RIC1: variants seen among roughly 807,000 people sequenced by gnomAD.
RIC1 encodes the protein RIC1 partner of RAB6A GEF complex, also known as guanine nucleotide exchange factor subunit RIC1.
Under a neutral mutation model 169.0 loss-of-function variants are expected in RIC1, and 88 were observed. The observed-to-expected ratio is 0.52, with a 90% CI of 0.44 to 0.62. The LOEUF is 0.62. RIC1 is among the 20% of genes least tolerant of loss of function. The pLI is 0.00. For synonymous variants in RIC1, 790 were observed against 601.5 expected (o/e 1.31, Z -4.59); for missense variants, 1,877 against 1,725.5 (o/e 1.09, Z -1.56).
intron 23 of RIC1, among the ~76,000 whole-genome samples, chr9:5,771,047 C>G (rs1366753287): frequency 6.6e-6 from 1 of 152,102 alleles, no homozygotes; most frequent in Non-Finnish European, 1.5e-5. Context: ...GCTTACAGAT[C>G]TCATTAGTTT....
rs568010582 is a variant in RIC1, at chr9:5,701,524, G to A, written c.332+11486G>A. ...TGAAGCAAATTGCTTGAACTGGGAG[G>A]TGGACATTGCAGTTTGCCGAGATTG... On this transcript the variant is annotated intron_variant, in intron 3 of 25. Coordinates refer to ENST00000414202, the MANE Select transcript of RIC1 (RefSeq NM_020829.4). 2.0e-5 allele frequency among the ~76,000 whole-genome samples: 3 copies of A among 151,858 alleles called. 1 individual carries two copies. The South Asian group carries it at 6.2e-4, about 32-fold the overall frequency.
At chr9:5,736,705 T>C (rs1274549539) in intron 7 of RIC1, among the ~76,000 whole-genome samples, 1 of 152,152 alleles carries the variant, frequency 6.6e-6, no homozygotes, top group East Asian at 1.9e-4. Context: ...GTGAAAACTA[T>C]GATGTCTGAG....
Position 5,634,053 on chromosome 9 carries a change from A to T in RIC1, c.144+4600A>T, listed in dbSNP as rs150778434. On this transcript the variant is annotated intron_variant, in intron 1 of 25. Transcript: ENST00000414202. ...TTTTGTCCATGTTGTTGCAGATGGC[A>T]GGATTTCCTTGTTTTTTAAAGGCTG... Among the ~76,000 whole-genome samples, 7 of 152,260 alleles carry T rather than the reference A, an allele frequency of 4.6e-5. No homozygotes were observed. The East Asian group carries it at 1.2e-3, about 25-fold the overall frequency.
At chr9:5,702,643 A>C (rs971776750) in intron 3 of RIC1, among the ~76,000 whole-genome samples, 2 of 151,992 alleles carry the variant, frequency 1.3e-5, no homozygotes, top group African/African-American at 4.8e-5. Context: ...GGTTGAAGCA[A>C]TTCTCCTGCT....
intron 6 of RIC1, among the ~76,000 whole-genome samples, chr9:5,730,011 T>G (rs1356232674): frequency 6.6e-6 from 1 of 151,696 alleles, no homozygotes; most frequent in Non-Finnish European, 1.5e-5. Context: ...AGTATGTAAT[T>G]AAATAATTTT....
rs374028302 is a variant in RIC1 at position 5,722,348 on chromosome 9, A to AGAGTGTGT, written c.720+1599_720+1600insAGTGTGTG. Among the ~76,000 whole-genome samples, 408 of 131,322 alleles carry AGAGTGTGT rather than the reference A, an allele frequency of 3.1e-3. 3 individuals carry two copies. Among genetic ancestry groups the AGAGTGTGT allele is most frequent in the African/African-American group, 0.011 (386 of 34,840 alleles). The allele number at this position is 131,322 out of a possible 152,430, so 86.2% of individuals were successfully genotyped here. ...CTTGCAAAAACTATAAGAGAGAGAGAGTGTGTGTGTGTGTGTGTGTGTGTG... is the reference window on the plus strand; with the variant it reads ...CTTGCAAAAACTATAAGAGAGAGAGAGAGTGTGTGTGTGTGTGTGTGTGTGTGTGTGTG... On this transcript the variant is annotated intron_variant, in intron 6 of 25. Coordinates refer to ENST00000414202, the MANE Select transcript of RIC1 (RefSeq NM_020829.4).
intron 2 of RIC1, among the ~76,000 whole-genome samples, chr9:5,685,136 CA>C (rs1361563817): frequency 6.6e-6 from 1 of 151,164 alleles, no homozygotes; most frequent in African/African-American, 2.4e-5. Flanking sequence ...AGGATACAAA[CA>C]AATGGAAGAA....
chr9:5,726,488 G>T (rs1489552565), intron 6 of RIC1, among the ~76,000 whole-genome samples: 1 of 152,116 alleles, frequency 6.6e-6, no homozygotes, highest in Non-Finnish European at 1.5e-5. Context: ...GCACAATGAT[G>T]GGTCTTGACA....
intron 17 of RIC1, among the ~76,000 whole-genome samples, chr9:5,761,535 A>T (rs1336785878): frequency 2.0e-5 from 3 of 152,146 alleles, no homozygotes; most frequent in Non-Finnish European, 4.4e-5. Context: ...AAATGAGCCA[A>T]AAAGAAAAAG....
At chr9:5,731,744 A>C (rs902403966) in intron 6 of RIC1, among the ~76,000 whole-genome samples, 1 of 152,170 alleles carries the variant, frequency 6.6e-6, no homozygotes, top group Non-Finnish European at 1.5e-5. Context: ...GCATTGTCCT[A>C]AATAGTTTAC....
At chr9:5,645,282 C>A (rs1025723614) in intron 1 of RIC1, among the ~76,000 whole-genome samples, 1 of 152,120 alleles carries the variant, frequency 6.6e-6, no homozygotes, top group African/African-American at 2.4e-5. Flanking sequence ...AAACTCCCAT[C>A]GTCAGGCTAT....
intron 2 of RIC1, among the ~76,000 whole-genome samples, chr9:5,681,101 C>G (rs1033047494): frequency 6.6e-6 from 1 of 152,064 alleles, no homozygotes; most frequent in Non-Finnish European, 1.5e-5. Context: ...GCTGGGATTA[C>G]AGGCGTGAGC....
At chr9:5,662,820 C>G (rs537201710) in intron 2 of RIC1, among the ~76,000 whole-genome samples, 37 of 151,994 alleles carry the variant, frequency 2.4e-4, no homozygotes, top group African/African-American at 8.7e-4. Flanking sequence ...AATGGTCTTT[C>G]ATGTCTCTAT....
rs771929691 is a variant in RIC1 at position 5,762,545 on chromosome 9, G to A, written c.1997G>A (p.Arg666His). Residue 666 changes from arginine (R) to histidine (H), a missense_variant, in exon 18 of 26, where the codon CGT becomes CAT. Arg to His is a conservative substitution (Grantham distance 29, BLOSUM62 0). This residue lies in a region of RIC1 where 1,104 missense variants were observed against 992.0 expected (regional missense o/e 1.11). Coordinates refer to ENST00000414202, the MANE Select transcript of RIC1 (RefSeq NM_020829.4). ...CTGCTTTTTCTTAAATTTCAGGCTC[G>A]TGGTGCAGAGAGCATTATGTTAAAC... ...GITLKMPQQA[R>H]GAESIMLNLA... 51 of 1,613,398 alleles carry A rather than the reference G, an allele frequency of 3.2e-5. No individual in the cohort carries two copies. Among genetic ancestry groups the A allele is most frequent in the Non-Finnish European group, 4.0e-5 (47 of 1,179,780 alleles).
At chr9:5,699,533 A>G (rs751029455) in intron 3 of RIC1, among the ~76,000 whole-genome samples, 2 of 151,380 alleles carry the variant, frequency 1.3e-5, no homozygotes, top group Non-Finnish European at 2.9e-5. Flanking sequence ...TATATTGCAT[A>G]TATAACTAAA....
intron 3 of RIC1, among the ~76,000 whole-genome samples, chr9:5,707,864 A>G (rs1156412516): frequency 6.6e-6 from 1 of 152,100 alleles, no homozygotes; most frequent in Non-Finnish European, 1.5e-5. Flanking sequence ...CATTTAATCC[A>G]TTTACATTAA....
In RIC1 at chr9:5,629,470, G is replaced by A. The variant is rs1479612910; in HGVS notation, c.144+17G>A. ...TACAGCCGAGTAAGTAGAGCCGCCCGCCGCCTTTCGCCGCTGCCTCCCCGG... is the reference window on the plus strand; with the variant it reads ...TACAGCCGAGTAAGTAGAGCCGCCCACCGCCTTTCGCCGCTGCCTCCCCGG... On this transcript the variant is annotated intron_variant, in intron 1 of 25. Coordinates refer to ENST00000414202, the MANE Select transcript of RIC1 (RefSeq NM_020829.4). 3 of 1,522,560 alleles carry A rather than the reference G, an allele frequency of 2.0e-6. No homozygotes were observed. The highest frequency in any genetic ancestry group is 2.6e-6 in the Non-Finnish European group (3 of 1,140,484). The allele number at this position is 1,522,560 out of a possible 1,614,324, so 94.3% of individuals were successfully genotyped here. A position where few individuals can be genotyped will look rare whatever the true frequency, so the allele number is the denominator to read the frequency against.
Position 5,671,265 on chromosome 9 carries a change from A to T in RIC1, c.252+14575A>T, listed in dbSNP as rs983534319. On this transcript the variant is annotated intron_variant, in intron 2 of 25. Transcript: ENST00000414202. ...TCTCTGTATTATTTATTTTATTATT[A>T]TTATTATTATTTTTTTTTTTTTGAG... Among the ~76,000 whole-genome samples the T allele has an allele frequency of 2.7e-5, 4 of 148,886 alleles. No homozygotes were observed. In the East Asian group the frequency reaches 7.7e-4, roughly 29 times the overall value.
rs556545818 is a variant in RIC1, at chr9:5,761,260, C to T, written c.1993-1281C>T. 3.9e-5 allele frequency among the ~76,000 whole-genome samples: 6 copies of T among 151,936 alleles called. No homozygotes were observed. The East Asian group carries it at 5.8e-4, about 15-fold the overall frequency. ...TCCCAAGTAGCTGGGATTACAGGCA[C>T]CTGCCACCACGCCCGGCTTATTTTT... On this transcript the variant is annotated intron_variant, in intron 17 of 25. Coordinates refer to ENST00000414202, the MANE Select transcript of RIC1 (RefSeq NM_020829.4).
Sources: allele counts gnomAD v4.1 joint callset (sites outside exome capture counted in the v4.1 genomes callset), GRCh38; gene constraint gnomAD v4.1.1; regional missense constraint gnomAD v4.1.1; transcripts MANE v1.5; gene names NCBI Gene and HGNC (gene_info 2026-07-23, HGNC 2026-07-21).